GLIS3: variants seen among roughly 807,000 people sequenced by gnomAD.
GLIS3 encodes zinc finger protein GLIS3.
GLIS3 carries 53 observed loss-of-function variants against 78.6 expected under a neutral mutation model. That is an observed-to-expected ratio of 0.67 (90% CI 0.54 to 0.85). The LOEUF (loss-of-function observed/expected upper bound fraction) is 0.85, where lower values mean the gene tolerates loss of function less well. GLIS3 is among the 40% of genes least tolerant of loss of function. The probability of loss-of-function intolerance (pLI) is 0.00; values close to 1 mark genes in which losing one functional copy is unlikely to be tolerated. For synonymous variants in GLIS3, 684 were observed against 509.9 expected (o/e 1.34, Z -4.60); for missense variants, 1,703 against 1,231.1 (o/e 1.38, Z -5.74).
chr9:4,279,486 T>C (rs1014786829), intron 2 of GLIS3, among the ~76,000 whole-genome samples: 2 of 150,928 alleles, frequency 1.3e-5, no homozygotes, highest in Admixed American at 6.6e-5. Flanking sequence ...ACCAAACTAA[T>C]TGGGATTAAA....
chr9:4,149,227 T>C (rs1009215314), intron 2 of GLIS3, among the ~76,000 whole-genome samples: 2 of 152,228 alleles, frequency 1.3e-5, no homozygotes, highest in African/African-American at 4.8e-5. Flanking sequence ...CAGAGGAGGA[T>C]GCCTAGCTCT....
intron 2 of GLIS3, among the ~76,000 whole-genome samples, chr9:4,151,808 C>T (rs1834702654): frequency 6.6e-6 from 1 of 152,134 alleles, no homozygotes; most frequent in Non-Finnish European, 1.5e-5. Context: ...TCATCTGTTC[C>T]TAGTTAAACA....
intron 2 of GLIS3, among the ~76,000 whole-genome samples, chr9:4,259,368 G>T (rs193133066): frequency 2.0e-5 from 3 of 151,884 alleles, no homozygotes; most frequent in East Asian, 1.9e-4. Flanking sequence ...TACATATGGG[G>T]GATTGAAAAC....
At chr9:4,119,587 G>C (rs1832027973) in intron 3 of GLIS3, among the ~76,000 whole-genome samples, 1 of 152,078 alleles carries the variant, frequency 6.6e-6, no homozygotes, top group Non-Finnish European at 1.5e-5. Flanking sequence ...GTCATATCTG[G>C]AATTATGCAT....
At chr9:4,452,642 A>G in the GLIS3 span, among the ~76,000 whole-genome samples, 4 of 152,236 alleles carry the variant, frequency 2.6e-5, no homozygotes, top group Non-Finnish European at 5.9e-5. Flanking sequence ...AAAGAGAACT[A>G]CAAACCACTG....
chr9:4,313,969 G>T (rs982332981), intron 2 of GLIS3, among the ~76,000 whole-genome samples: 8 of 152,178 alleles, frequency 5.3e-5, no homozygotes, highest in Non-Finnish European at 1.2e-4. Context: ...AAGAGTCACT[G>T]ACAAAATCAA....
chr9:4,462,368 AAGAGACC>A, the GLIS3 span, among the ~76,000 whole-genome samples: 1 of 152,162 alleles, frequency 6.6e-6, no homozygotes, highest in East Asian at 1.9e-4. Context: ...TGAATGAGGT[AAGAGACC>A]AGTGGGGGTG....
the GLIS3 span, among the ~76,000 whole-genome samples, chr9:4,443,840 C>T: frequency 6.6e-6 from 1 of 152,106 alleles, no homozygotes; most frequent in Non-Finnish European, 1.5e-5. Context: ...AATAACTTAG[C>T]GGGCCTGGTG....
chr9:4,458,614 C>T, the GLIS3 span, among the ~76,000 whole-genome samples: 1 of 152,066 alleles, frequency 6.6e-6, no homozygotes, highest in African/African-American at 2.4e-5. Context: ...ATAGTGAAAT[C>T]CCATCTCTAC....
chr9:3,869,279 G>C (rs918423072), intron 8 of GLIS3, among the ~76,000 whole-genome samples: 1 of 151,598 alleles, frequency 6.6e-6, no homozygotes, highest in African/African-American at 2.4e-5. Flanking sequence ...GTGTGTGTGT[G>C]TGTGTGTGTG....
intron 2 of GLIS3, among the ~76,000 whole-genome samples, chr9:4,160,264 G>C (rs1045382073): frequency 2.0e-5 from 3 of 152,192 alleles, no homozygotes; most frequent in Non-Finnish European, 2.9e-5. Context: ...ATAACCTCCA[G>C]TGGTGCTAAG....
intron 2 of GLIS3, among the ~76,000 whole-genome samples, chr9:4,181,065 G>C (rs950217295): frequency 2.6e-5 from 4 of 152,200 alleles, no homozygotes; most frequent in African/African-American, 4.8e-5. Context: ...TCCAGGCACA[G>C]GCATGTCATT....
chr9:4,296,515 G>A (rs1279332576), intron 1 of GLIS3, among the ~76,000 whole-genome samples: 2 of 152,154 alleles, frequency 1.3e-5, no homozygotes, highest in Non-Finnish European at 2.9e-5. Context: ...CTTATTTGAA[G>A]TGATGATCAC....
At position 3,967,040 on chromosome 9, in the gene GLIS3, A is replaced by AAAAAAG. The variant is rs1226736845; in HGVS notation, c.1711-29852_1711-29851insCTTTTT. Among the ~76,000 whole-genome samples the AAAAAAG allele has an allele frequency of 1.0e-3, 134 of 129,704 alleles. 11 individuals are homozygous for AAAAAAG. The highest frequency in any genetic ancestry group is 1.7e-3 in the East Asian group (6 of 3,616). 85.1% of individuals were successfully genotyped at this position (129,704 alleles called of 152,430 possible). ...AAAAAAAAAAAAAAAAAAACAAAAA[A>AAAAAAG]ACATTTTGAGGATTTCTCAATCAGG... On this transcript the variant is annotated intron_variant, in intron 4 of 10. Coordinates refer to ENST00000381971, the MANE Select transcript of GLIS3 (RefSeq NM_001042413.2).
chr9:4,399,102 T>C, the GLIS3 span, among the ~76,000 whole-genome samples: 1 of 152,216 alleles, frequency 6.6e-6, no homozygotes, highest in Non-Finnish European at 1.5e-5. Flanking sequence ...TCTATACCAT[T>C]GCAGGATGAT....
At chr9:4,012,365 A>G (rs1822083842) in intron 4 of GLIS3, among the ~76,000 whole-genome samples, 1 of 152,208 alleles carries the variant, frequency 6.6e-6, no homozygotes, top group African/African-American at 2.4e-5. Context: ...GAACCAATAT[A>G]GAACATCTAG....
At chr9:3,975,441 C>T (rs765671925) in intron 4 of GLIS3, among the ~76,000 whole-genome samples, 7 of 152,166 alleles carry the variant, frequency 4.6e-5, no homozygotes, top group Admixed American at 6.5e-5. Context: ...GCCATTACTG[C>T]TGTATCTGTC....
intron 2 of GLIS3, among the ~76,000 whole-genome samples, chr9:4,209,585 A>G (rs1421334016): frequency 2.6e-5 from 4 of 152,096 alleles, no homozygotes; most frequent in African/African-American, 7.2e-5. Context: ...AAATCACAGT[A>G]ATTCCATTTC....
chr9:4,184,367 G>A (rs759213163), intron 2 of GLIS3, among the ~76,000 whole-genome samples: 2 of 152,206 alleles, frequency 1.3e-5, no homozygotes, highest in Non-Finnish European at 2.9e-5. Context: ...ATATCATGCA[G>A]CAACCAAATA....
Sources: allele counts gnomAD v4.1 joint callset (sites outside exome capture counted in the v4.1 genomes callset), GRCh38; gene constraint gnomAD v4.1.1; transcripts MANE v1.5; gene names NCBI Gene and HGNC (gene_info 2026-07-23, HGNC 2026-07-21).